The following HERC3 variants were observed in gnomAD, a reference collection of about 807,000 sequenced individuals.
HERC3 encodes the protein HECT and RLD domain containing E3 ubiquitin protein ligase 3.
In HERC3, 58 loss-of-function variants were observed where a neutral mutation model predicts 129.9. The ratio of observed to expected loss-of-function variants is 0.45; its 90% CI spans 0.36 to 0.56. The LOEUF (loss-of-function observed/expected upper bound fraction) is 0.56, where lower values mean the gene tolerates loss of function less well. Among genes scored for constraint, HERC3 ranks in the 20% least tolerant of loss-of-function variants. HERC3 has a pLI of 0.00. For missense variants in HERC3, 835 were observed against 1,244.2 expected (o/e 0.67, Z 4.95); for synonymous variants, 430 against 451.0 (o/e 0.95, Z 0.59).
the HERC3 span, among the ~76,000 whole-genome samples, chr4:88,531,115 C>T: frequency 6.6e-6 from 1 of 152,076 alleles, no homozygotes; most frequent in Non-Finnish European, 1.5e-5. Context: ...TCCTCAGCCT[C>T]CCAAAGTGCT....
chr4:88,690,342 A>G, intron 23 of HERC3: 1 of 985,356 alleles, frequency 1.0e-6, no homozygotes, highest in Non-Finnish European at 1.2e-6. Context: ...AGCCCAGCTG[A>G]TTTCCCTTCC....
chr4:88,658,585 A>G, intron 10 of HERC3, 94 bp downstream of exon 10: 2 of 626,854 alleles, frequency 3.2e-6, no homozygotes, highest in South Asian at 2.2e-5. Context: ...GAGCAATGTT[A>G]CTCTTTGTTT....
At chr4:88,656,300 GA>G in intron 9 of HERC3, 1 of 435,434 alleles carries the variant, frequency 2.3e-6, no homozygotes, top group Admixed American at 3.6e-5. Context: ...GATTTATGAA[GA>G]AAAGAGTTTT....
intron 3 of HERC3, among the ~76,000 whole-genome samples, chr4:88,638,489 C>A (rs1179442473): frequency 1.3e-5 from 2 of 152,118 alleles, no homozygotes; most frequent in Admixed American, 1.3e-4. Context: ...AATGATAAAA[C>A]CATATGATTA....
rs771774783 is a variant in HERC3 at position 88,697,202 on chromosome 4, C to T, written c.2658-6896C>T. On this transcript the variant is annotated intron_variant, in intron 23 of 25. Coordinates refer to ENST00000402738, the MANE Select transcript of HERC3 (RefSeq NM_014606.3). ...GGCTTTCTCTTCATCCATCTCTGCC[C>T]CCCTTACTTCTTGGCGTCATCAGGC... 2.0e-6 allele frequency: 3 copies of T among 1,508,746 alleles called. No individual in the cohort carries two copies. In the Admixed American group the frequency reaches 7.1e-5, roughly 36 times the overall value. The allele number at this position is 1,508,746 out of a possible 1,614,324, so 93.5% of individuals were successfully genotyped here. A position where few individuals can be genotyped will look rare whatever the true frequency, so the allele number is the denominator to read the frequency against.
At chr4:88,593,383 GCAAC>G (rs1721965531) in intron 1 of HERC3, 2 of 152,376 alleles carry the variant, frequency 1.3e-5, no homozygotes, top group African/African-American at 4.8e-5. Flanking sequence ...GCAAACCAGG[GCAAC>G]CAGACCGAGA....
chr4:88,704,997 A>G (rs891471324), intron 25 of HERC3, among the ~76,000 whole-genome samples: 4 of 151,704 alleles, frequency 2.6e-5, no homozygotes, highest in African/African-American at 9.7e-5. Flanking sequence ...AGTAGCTAGG[A>G]CTACAGGCAC....
intron 19 of HERC3, among the ~76,000 whole-genome samples, chr4:88,678,847 A>G (rs1434320031): frequency 6.6e-6 from 1 of 152,218 alleles, no homozygotes; most frequent in African/African-American, 2.4e-5. Flanking sequence ...AATAAGTAGC[A>G]TCAGTCGTAT....
At chr4:88,682,523 C>A (rs1578308808) in intron 21 of HERC3, among the ~76,000 whole-genome samples, 1 of 139,468 alleles carries the variant, frequency 7.2e-6, no homozygotes, top group South Asian at 2.5e-4. Flanking sequence ...CTTCCTGTGT[C>A]CATGTGTTCT....
At chr4:88,682,473 C>CTT (rs1732898931) in intron 21 of HERC3, among the ~76,000 whole-genome samples, 1 of 108,482 alleles carries the variant, frequency 9.2e-6, no homozygotes. Flanking sequence ...CCTTCCCCGA[C>CTT]CCCCCCACCC....
At chr4:88,670,919 A>G (rs1186910435) in intron 16 of HERC3, among the ~76,000 whole-genome samples, 1 of 151,930 alleles carries the variant, frequency 6.6e-6, no homozygotes, top group Non-Finnish European at 1.5e-5. Context: ...AGGAAGGGTC[A>G]TTTGCTAATT....
chr4:88,642,800 G>A (rs146751690), intron 3 of HERC3, among the ~76,000 whole-genome samples: 334 of 152,090 alleles, frequency 2.2e-3, no homozygotes, highest in African/African-American at 7.0e-3. Context: ...ATACGTTTTG[G>A]GGGATTCAAA....
chr4:88,642,263 G>A (rs1159348183), intron 3 of HERC3, among the ~76,000 whole-genome samples: 2 of 151,868 alleles, frequency 1.3e-5, no homozygotes, highest in African/African-American at 4.8e-5. Flanking sequence ...TTAAACAATA[G>A]GAAAAACAGT....
At chr4:88,538,691 A>C in the HERC3 span, among the ~76,000 whole-genome samples, 1 of 151,824 alleles carries the variant, frequency 6.6e-6, no homozygotes, top group South Asian at 2.1e-4. Flanking sequence ...CTACAGGTGC[A>C]CGCCACCATG....
intron 3 of HERC3, among the ~76,000 whole-genome samples, chr4:88,632,907 G>C (rs988192221): frequency 1.3e-5 from 2 of 152,126 alleles, no homozygotes; most frequent in Non-Finnish European, 2.9e-5. Context: ...ACCCAAGCAA[G>C]ATAAACCCAA....
the HERC3 span, among the ~76,000 whole-genome samples, chr4:88,550,039 G>A: frequency 1.3e-5 from 2 of 152,138 alleles, no homozygotes; most frequent in African/African-American, 4.8e-5. Context: ...GACCTTATAA[G>A]GGGATAGTGA....
chr4:88,645,634 G>T (rs1356402817), intron 3 of HERC3, among the ~76,000 whole-genome samples: 6 of 152,046 alleles, frequency 3.9e-5, no homozygotes, highest in Non-Finnish European at 5.9e-5. Flanking sequence ...GCTACTAAGG[G>T]GCTAACAGGC....
chr4:88,600,656 T>C (rs764014921), intron 2 of HERC3, among the ~76,000 whole-genome samples: 6 of 152,256 alleles, frequency 3.9e-5, no homozygotes, highest in South Asian at 2.1e-4. Flanking sequence ...TATAGCTTCA[T>C]TATGTACTCT....
At chr4:88,562,753 G>A in the HERC3 span, among the ~76,000 whole-genome samples, 61,345 of 151,926 alleles carry the variant, frequency 0.4, 14,762 homozygotes, top group African/African-American at 0.68. Flanking sequence ...ATTTATGAAG[G>A]GACTGTCCTT....
Sources: allele counts gnomAD v4.1 joint callset (sites outside exome capture counted in the v4.1 genomes callset), GRCh38; gene constraint gnomAD v4.1.1; transcripts MANE v1.5; gene names NCBI Gene and HGNC (gene_info 2026-07-23, HGNC 2026-07-21).